Variants in ZYG11A observed in about 807,000 individuals in gnomAD.
The protein encoded by ZYG11A is protein zyg-11 homolog A.
ZYG11A carries 62 observed loss-of-function variants against 77.2 expected under a neutral mutation model. The ratio of observed to expected loss-of-function variants is 0.80; its 90% CI spans 0.65 to 0.99. The LOEUF (loss-of-function observed/expected upper bound fraction) is 0.99. ZYG11A is among the 50% of genes least tolerant of loss of function. The pLI, the probability that ZYG11A is intolerant of heterozygous loss-of-function variation, is 0.00. For synonymous variants in ZYG11A, 315 were observed against 324.6 expected (o/e 0.97, Z 0.32); for missense variants, 828 against 896.8 (o/e 0.92, Z 0.98).
At position 52,857,741 on chromosome 1, in the gene ZYG11A, G is replaced by A; in HGVS notation, c.1000G>A (p.Gly334Ser). Residue 334 changes from glycine (G) to serine (S), a missense_variant, in exon 3 of 14, where the codon GGC becomes AGC. Physicochemically the swap from Gly to Ser is moderately conservative, Grantham distance 56. Coordinates refer to ENST00000371528, the MANE Select transcript of ZYG11A (RefSeq NM_001004339.3). ...GSSDFFTTKQ[G>S]LRVAGGASMS... ...TTCTGACTTCTTTACTACAAAGCAA[G>A]GCTTGAGGGTTTGTTCTTATCTGAA... 1 of 1,544,752 alleles carries A rather than the reference G, an allele frequency of 6.5e-7. No homozygotes were observed. Among genetic ancestry groups the A allele is most frequent in the Non-Finnish European group, 8.7e-7 (1 of 1,143,964 alleles).
intron 12 of ZYG11A, 129 bp downstream of exon 12, chr1:52,886,023 C>T (rs1428695193): frequency 4.8e-6 from 3 of 623,296 alleles, no homozygotes. Flanking sequence ...AGCTCCACCT[C>T]CCGGGTTCAC....
Position 52,893,111 on chromosome 1 carries a change from T to C in ZYG11A, c.*154T>C, listed in dbSNP as rs1646573290. 5 of 701,368 alleles carry C rather than the reference T, an allele frequency of 7.1e-6. No individual in the cohort carries two copies. The South Asian group carries it at 1.0e-4, about 14-fold the overall frequency. 43.4% of individuals were successfully genotyped at this position (701,368 alleles called of 1,614,324 possible). ...TATATGTTACAAAAGGTTGGATTTG[T>C]ATGATAGCTGTAATCCCAAGTCAAG... On this transcript the variant is annotated 3_prime_UTR_variant, in exon 14 of 14. Transcript: ENST00000371528.
In ZYG11A at chr1:52,893,090, T is replaced by C; in HGVS notation, c.*133T>C. 2 of 807,408 alleles carry C rather than the reference T, an allele frequency of 2.5e-6. No individual in the cohort carries two copies. The highest frequency in any genetic ancestry group is 3.8e-6 in the Non-Finnish European group (2 of 526,560). The allele number at this position is 807,408 out of a possible 1,614,324, so 50.0% of individuals were successfully genotyped here. ...GGCCTTTGATTGTTGATTTTATATA[T>C]GTTACAAAAGGTTGGATTTGTATGA... On this transcript the variant is annotated 3_prime_UTR_variant, in exon 14 of 14. Transcript: ENST00000371528.
At chr1:52,867,802 C>G in intron 8 of ZYG11A, 25 bp downstream of exon 8, 5 of 1,535,718 alleles carry the variant, frequency 3.3e-6, no homozygotes, top group Non-Finnish European at 4.4e-6. Context: ...ATGTTCATAA[C>G]CTTTTTTTAA....
At chr1:52,853,708 C>T (rs1300592896) in intron 1 of ZYG11A, among the ~76,000 whole-genome samples, 4 of 151,880 alleles carry the variant, frequency 2.6e-5, no homozygotes, top group Non-Finnish European at 4.4e-5. Context: ...CCATGAGTTT[C>T]GAGACTGGCT....
chr1:52,871,612 T>C (rs1646168064), intron 8 of ZYG11A, among the ~76,000 whole-genome samples: 1 of 151,976 alleles, frequency 6.6e-6, no homozygotes, highest in Non-Finnish European at 1.5e-5. Context: ...TTCTCCTGCC[T>C]CAGTCTCCTG....
In ZYG11A at chr1:52,864,107, G is replaced by A. The variant is rs1444983863; in HGVS notation, c.1276G>A (p.Val426Ile). The change falls in exon 5 of 14, where the codon GTC becomes ATC. Residue 426 changes from valine (V) to isoleucine (I), a missense_variant. By Grantham distance (29) the Val-to-Ile change is conservative. Transcript: ENST00000371528. Reference sequence around the variant, plus strand: ...GATGCCTGTTCGCCTGTTGTCAGAGGTCACCTGTCTACTTTTCAAGGCTCT... The same window carrying A: ...GATGCCTGTTCGCCTGTTGTCAGAGATCACCTGTCTACTTTTCAAGGCTCT... The part of the protein sequence containing the change: ...KGMPVRLLSE[V>I]TCLLFKALKN... 1 of 1,551,844 alleles carries A rather than the reference G, an allele frequency of 6.4e-7. No homozygotes were observed. Among genetic ancestry groups the A allele is most frequent in the African/African-American group, 1.4e-5 (1 of 73,056 alleles).
chr1:52,889,507 T>G (rs1646504949), intron 13 of ZYG11A, among the ~76,000 whole-genome samples: 1 of 151,790 alleles, frequency 6.6e-6, no homozygotes, highest in Non-Finnish European at 1.5e-5. Context: ...GGTTGTGAAC[T>G]CCTGGGCTTG....
At position 52,860,781 on chromosome 1, in the gene ZYG11A, C is replaced by G; in HGVS notation, c.1059C>G (p.Tyr353Ter). 1 of 1,551,656 alleles carries G rather than the reference C, an allele frequency of 6.4e-7. No individual in the cohort carries two copies. The highest frequency in any genetic ancestry group is 8.7e-7 in the Non-Finnish European group (1 of 1,146,968). ...AGATTTCAGAAGCACTGAGCCGATA[C>G]AGGAACAGATCATGTTTTGTGAAGG... Reference protein sequence around the residue: ...MSQISEALSRYRNRSCFVKEA... With the variant: ...MSQISEALSR Residue 353 changes from tyrosine to a stop codon, truncating the protein, a stop_gained, in exon 4 of 14, where the codon TAC (tyrosine) becomes TAG (stop). Transcript: ENST00000371528. LOFTEE classifies it high-confidence loss of function.
chr1:52,856,280 G>T (rs1369775196), intron 2 of ZYG11A, among the ~76,000 whole-genome samples: 1 of 151,882 alleles, frequency 6.6e-6, no homozygotes, highest in Non-Finnish European at 1.5e-5. Flanking sequence ...TACCTTACGT[G>T]CCTGTTACAT....
chr1:52,850,213 C>G (rs1257376182), intron 1 of ZYG11A, among the ~76,000 whole-genome samples: 1 of 152,002 alleles, frequency 6.6e-6, no homozygotes, highest in African/African-American at 2.4e-5. Context: ...TGCAGTGGCA[C>G]AATCTCAGCT....
At chr1:52,866,127 C>CG in intron 5 of ZYG11A, among the ~76,000 whole-genome samples, 1 of 151,836 alleles carries the variant, frequency 6.6e-6, no homozygotes, top group East Asian at 1.9e-4. Context: ...TTAGTAGAGA[C>CG]GGGGTTTCAC....
chr1:52,860,456 C>T (rs1645906278), intron 3 of ZYG11A, among the ~76,000 whole-genome samples: 1 of 152,146 alleles, frequency 6.6e-6, no homozygotes, highest in South Asian at 2.1e-4. Context: ...TGCCACCACG[C>T]CTGGCTAATT....
chr1:52,862,029 T>C (rs1645936563), intron 4 of ZYG11A, among the ~76,000 whole-genome samples: 1 of 151,826 alleles, frequency 6.6e-6, no homozygotes, highest in African/African-American at 2.4e-5. Flanking sequence ...GCCAACATGG[T>C]AGAACCCCGT....
At chr1:52,876,998 T>G (rs1646272978) in intron 8 of ZYG11A, among the ~76,000 whole-genome samples, 1 of 152,176 alleles carries the variant, frequency 6.6e-6, no homozygotes. Context: ...CAGTGGCCTC[T>G]TCAAGATGTG....
chr1:52,858,606 GATTATT>G (rs903001475), intron 3 of ZYG11A, among the ~76,000 whole-genome samples: 27 of 148,450 alleles, frequency 1.8e-4, no homozygotes, highest in African/African-American at 6.3e-4. Context: ...CGCCCGGCCC[GATTATT>G]ATTATTATTT....
intron 1 of ZYG11A, among the ~76,000 whole-genome samples, chr1:52,849,304 G>A (rs1645659556): frequency 6.6e-6 from 1 of 151,984 alleles, no homozygotes; most frequent in Non-Finnish European, 1.5e-5. Flanking sequence ...TCCTGACCTT[G>A]TGATCTGCCC....
chr1:52,862,591 C>T lies in ZYG11A; in HGVS notation c.1150-1390C>T, dbSNP rs564293553. ...CCTCCCAAAGTGCTGGGATTACAGG[C>T]GTGAGCCACTGCGCCCGGCAAGCCC... On this transcript the variant is annotated intron_variant, in intron 4 of 13. Transcript: ENST00000371528. 6.6e-5 allele frequency among the ~76,000 whole-genome samples: 10 copies of T among 152,224 alleles called. No homozygotes were observed. The East Asian group carries it at 1.6e-3, about 24-fold the overall frequency.
At position 52,878,432 on chromosome 1, in the gene ZYG11A, G is replaced by A. The variant is rs542503083; in HGVS notation, c.1749+463G>A. Reference sequence around the variant, plus strand: ...AGAGGGCAGGCCCCACTGTCCAAGCGCTTTTTAAACCTCTGCTTATATCAC... The same window carrying A: ...AGAGGGCAGGCCCCACTGTCCAAGCACTTTTTAAACCTCTGCTTATATCAC... On this transcript the variant is annotated intron_variant, in intron 10 of 13. Coordinates refer to ENST00000371528, the MANE Select transcript of ZYG11A (RefSeq NM_001004339.3). Among the ~76,000 whole-genome samples, 6 of 152,250 alleles carry A rather than the reference G, an allele frequency of 3.9e-5. No homozygotes were observed. The South Asian group carries it at 1.0e-3, about 26-fold the overall frequency.
Sources: allele counts gnomAD v4.1 joint callset (sites outside exome capture counted in the v4.1 genomes callset), GRCh38; gene constraint gnomAD v4.1.1; transcripts MANE v1.5; gene names NCBI Gene and HGNC (gene_info 2026-07-23, HGNC 2026-07-21).